CFAP90: variants seen among roughly 807,000 people sequenced by gnomAD.
CFAP90 encodes cilia- and flagella-associated protein 90.
At chr5:7,848,024 T>G in the CFAP90 span, among the ~76,000 whole-genome samples, 2 of 152,196 alleles carry the variant, frequency 1.3e-5, no homozygotes, top group African/African-American at 4.8e-5. Flanking sequence ...ACACTCCTTA[T>G]TTTTTCCACT....
chr5:7,833,699 G>A, the CFAP90 span, among the ~76,000 whole-genome samples: 3 of 152,138 alleles, frequency 2.0e-5, no homozygotes, highest in Non-Finnish European at 4.4e-5. Flanking sequence ...ATACAGTCAT[G>A]TGCCACATGA....
At chr5:7,833,454 GCA>G in the CFAP90 span, among the ~76,000 whole-genome samples, 4,062 of 151,358 alleles carry the variant, frequency 0.027, 187 homozygotes, top group African/African-American at 0.092. Flanking sequence ...TCACAAGCAG[GCA>G]CACACACATG....
the CFAP90 span, chr5:7,835,260 C>G: frequency 1.6e-6 from 1 of 612,638 alleles, no homozygotes; most frequent in Non-Finnish European, 2.8e-6. Context: ...CACAAACTTT[C>G]AATTTGTAAA....
At chr5:7,830,545 A>AG in the CFAP90 span, 1 of 152,342 alleles carries the variant, frequency 6.6e-6, no homozygotes, top group East Asian at 1.9e-4. Context: ...TTCGAAATAA[A>AG]CTACTGCCAT....
the CFAP90 span, among the ~76,000 whole-genome samples, chr5:7,838,693 C>G: frequency 2.0e-5 from 3 of 152,192 alleles, no homozygotes; most frequent in African/African-American, 7.2e-5. Context: ...GTCCTATTGC[C>G]TTTGGAATCC....
the CFAP90 span, chr5:7,831,781 C>A: frequency 1.4e-6 from 2 of 1,481,456 alleles, no homozygotes; most frequent in Non-Finnish European, 1.8e-6. Context: ...CTCCAGATGC[C>A]ACCTTCTCGC....
At chr5:7,832,069 A>T in the CFAP90 span, 1 of 1,581,366 alleles carries the variant, frequency 6.3e-7, no homozygotes, top group Non-Finnish European at 8.6e-7. Flanking sequence ...GCACCACTGC[A>T]TTCGCCAGCA....
At chr5:7,843,015 A>G in the CFAP90 span, among the ~76,000 whole-genome samples, 2 of 152,174 alleles carry the variant, frequency 1.3e-5, no homozygotes, top group African/African-American at 2.4e-5. Flanking sequence ...ATGCTAATCA[A>G]CCTATGAGTG....
At chr5:7,847,156 T>A in the CFAP90 span, among the ~76,000 whole-genome samples, 188 of 152,338 alleles carry the variant, frequency 1.2e-3, 3 homozygotes, top group South Asian at 0.037. Context: ...TAAATCCCAG[T>A]TCATATCATC....
the CFAP90 span, among the ~76,000 whole-genome samples, chr5:7,841,268 C>A: frequency 6.6e-6 from 1 of 152,092 alleles, no homozygotes; most frequent in African/African-American, 2.4e-5. Flanking sequence ...CAAATCAAAA[C>A]CACGATGAGA....
At chr5:7,849,850 G>A in the CFAP90 span, among the ~76,000 whole-genome samples, 3 of 152,006 alleles carry the variant, frequency 2.0e-5, no homozygotes, top group African/African-American at 7.2e-5. Context: ...TGGACCATCC[G>A]GGCGTAGTCC....
At chr5:7,838,721 C>A in the CFAP90 span, among the ~76,000 whole-genome samples, 3 of 152,190 alleles carry the variant, frequency 2.0e-5, no homozygotes, top group African/African-American at 7.2e-5. Context: ...CCTGGCTGAC[C>A]CTGTTCCATG....
chr5:7,836,787 C>T, the CFAP90 span, among the ~76,000 whole-genome samples: 119,046 of 152,108 alleles, frequency 0.78, 47,305 homozygotes, highest in African/African-American at 0.89. Context: ...TGTTTTCTTC[C>T]TTGGTGAGTC....
At chr5:7,842,575 A>G in the CFAP90 span, among the ~76,000 whole-genome samples, 2 of 152,120 alleles carry the variant, frequency 1.3e-5, no homozygotes, top group South Asian at 4.1e-4. Flanking sequence ...CAGAGCATCC[A>G]ATAAATGACT....
At chr5:7,832,703 G>T in the CFAP90 span, among the ~76,000 whole-genome samples, 1 of 152,058 alleles carries the variant, frequency 6.6e-6, no homozygotes, top group African/African-American at 2.4e-5. Flanking sequence ...GACCAGGCTG[G>T]TCTCGAACTC....
At chr5:7,843,552 A>T in the CFAP90 span, among the ~76,000 whole-genome samples, 170 of 152,256 alleles carry the variant, frequency 1.1e-3, 1 homozygote, top group African/African-American at 3.9e-3. Flanking sequence ...AGAGTTCTAC[A>T]TTCATCTATG....
chr5:7,845,303 A>G, the CFAP90 span, among the ~76,000 whole-genome samples: 1 of 152,326 alleles, frequency 6.6e-6, no homozygotes, highest in Non-Finnish European at 1.5e-5. Flanking sequence ...GCTAAACCAT[A>G]TCAACATGCA....
At chr5:7,836,288 G>T in the CFAP90 span, among the ~76,000 whole-genome samples, 1 of 152,136 alleles carries the variant, frequency 6.6e-6, no homozygotes, top group Admixed American at 6.5e-5. Flanking sequence ...TAATAAGCCT[G>T]AGCTTCTTTG....
chr5:7,838,594 C>T, the CFAP90 span, among the ~76,000 whole-genome samples: 1 of 152,232 alleles, frequency 6.6e-6, no homozygotes, highest in Non-Finnish European at 1.5e-5. Flanking sequence ...CAGCCAATAG[C>T]TTGATCTCCA....
Sources: allele counts gnomAD v4.1 joint callset (sites outside exome capture counted in the v4.1 genomes callset), GRCh38; gene constraint gnomAD v4.1.1; transcripts MANE v1.5; gene names NCBI Gene and HGNC (gene_info 2026-07-23, HGNC 2026-07-21).